Variants in SVEP1 observed in about 807,000 individuals in gnomAD.
SVEP1 encodes the protein sushi, von Willebrand factor type A, EGF and pentraxin domain containing 1.
Under a neutral mutation model 367.3 loss-of-function variants are expected in SVEP1, and 164 were observed. That is an observed-to-expected ratio of 0.45 (90% CI 0.39 to 0.51). The LOEUF is 0.51. SVEP1 is among the 20% of genes least tolerant of loss of function. The pLI is 0.00. For missense variants in SVEP1, 4,117 were observed against 4,425.3 expected (o/e 0.93, Z 1.98); for synonymous variants, 1,666 against 1,611.6 (o/e 1.03, Z -0.81).
intron 5 of SVEP1, among the ~76,000 whole-genome samples, 190 bp from the exon 6 acceptor site, chr9:110,503,407 A>C (rs1221255040): frequency 6.6e-6 from 1 of 152,200 alleles, no homozygotes; most frequent in Non-Finnish European, 1.5e-5. Flanking sequence ...TACCAAATGC[A>C]TTGCCTAAAT....
Position 110,450,187 on chromosome 9 carries a change from C to A in SVEP1, c.3975G>T (p.Gln1325His). ...PCLNNAVCED[Q>H]VGGFLCKCPP... Reference sequence around the variant, plus strand: ...GGCATTTGCACAAGAATCCCCCAACCTGGTCTTCACAGACTGCATTATTTA... The same window carrying A: ...GGCATTTGCACAAGAATCCCCCAACATGGTCTTCACAGACTGCATTATTTA... The change falls in exon 24 of 48, where the codon CAG becomes CAT. Residue 1325 changes from glutamine to histidine, a missense_variant. By Grantham distance (24) the Gln-to-His change is conservative (BLOSUM62 0). This residue lies in a region of SVEP1 where 2,174 missense variants were observed against 2,494.3 expected (regional missense o/e 0.87). Coordinates refer to ENST00000374469, the MANE Select transcript of SVEP1 (RefSeq NM_153366.4). 1.9e-6 allele frequency: 3 copies of A among 1,613,898 alleles called. No homozygotes were observed. Among genetic ancestry groups the A allele is most frequent in the African/African-American group, 1.3e-5 (1 of 75,018 alleles).
In SVEP1 at chr9:110,407,892, C is replaced by T. The variant is rs746376974; in HGVS notation, c.7708G>A (p.Ala2570Thr). 2 of 1,614,002 alleles carry T rather than the reference C, an allele frequency of 1.2e-6. No individual in the cohort carries two copies. Among genetic ancestry groups the T allele is most frequent in the East Asian group, 2.2e-5 (1 of 44,880 alleles). The change falls in exon 38 of 48, where the codon GCA (alanine) becomes ACA (threonine). Residue 2570 changes from alanine (A) to threonine (T), a missense_variant. This residue lies in a region of SVEP1 where 1,765 missense variants were observed against 1,781.1 expected (regional missense o/e 0.99). Coordinates refer to ENST00000374469, the MANE Select transcript of SVEP1 (RefSeq NM_153366.4). ...QPIENGFVEGADYSYGAIIIY... is the reference protein window; with the variant it reads ...QPIENGFVEGTDYSYGAIIIY... ...ATTATGGCACCATAGCTGTAATCTG[C>T]ACCTTCTACAAAACCATTTTCAATG...
intron 26 of SVEP1, among the ~76,000 whole-genome samples, chr9:110,444,085 C>T (rs1013341757): frequency 2.6e-5 from 4 of 152,184 alleles, no homozygotes; most frequent in Non-Finnish European, 5.9e-5. Flanking sequence ...AAACTGACAT[C>T]CTTCTTCCAG....
rs377208503 is a variant in SVEP1 at position 110,429,174 on chromosome 9, T to C, written c.5776A>G (p.Thr1926Ala). ...CCTGTATCGCATGAATATGATGCAGTAGAAAGGTAGGTAAGCCCACTCAAA... is the reference window on the plus strand; with the variant it reads ...CCTGTATCGCATGAATATGATGCAGCAGAAAGGTAGGTAAGCCCACTCAAA... ...YILSGLTYLS[T>A]ASYSCDTGYS... The change falls in exon 35 of 48, where the codon ACT becomes GCT. Residue 1926 changes from threonine to alanine, a missense_variant. Thr to Ala is a moderately conservative substitution (Grantham distance 58, BLOSUM62 0). Transcript: ENST00000374469. 1 of 1,598,380 alleles carries C rather than the reference T, an allele frequency of 6.3e-7. No individual in the cohort carries two copies.
rs913226568 is a variant in SVEP1 at position 110,385,965 on chromosome 9, C to A, written c.10170G>T (p.Leu3390=). 1 of 1,613,920 alleles carries A rather than the reference C, an allele frequency of 6.2e-7. No homozygotes were observed. ...TGCAGGTAATGATGCCGTGGCCCTG[C>A]AGCAGAAAACCTTCCCTACATTTGA... ...VSIKCREGFL[L]QGHGIITCNP... The change falls in exon 43 of 48, where the codon CTG becomes CTT. Residue 3390 remains leucine, a synonymous_variant. Coordinates refer to ENST00000374469, the MANE Select transcript of SVEP1 (RefSeq NM_153366.4).
chr9:110,448,149 GCGCGTGTGTGTGTGCGCGCGCT>G (rs1828633925), intron 24 of SVEP1, among the ~76,000 whole-genome samples: 1 of 53,160 alleles, frequency 1.9e-5, no homozygotes, highest in African/African-American at 8.6e-5. Flanking sequence ...GTGTGTGTGT[GCGCGTGTGTGTGTGCGCGCGCT>G]CGCGCGTGTG....
chr9:110,373,366 G>A (rs974780633), intron 46 of SVEP1, among the ~76,000 whole-genome samples: 9 of 152,092 alleles, frequency 5.9e-5, no homozygotes, highest in Non-Finnish European at 1.0e-4. Context: ...GCTTTTGTCT[G>A]TAACAGTACT....
intron 25 of SVEP1, 73 bp downstream of exon 25, chr9:110,446,827 G>A: frequency 7.4e-7 from 1 of 1,354,880 alleles, no homozygotes; most frequent in Non-Finnish European, 9.6e-7. Context: ...GCTTGGTGCA[G>A]GCAAAATTGG....
At chr9:110,545,982 G>A in intron 3 of SVEP1, 133 bp downstream of exon 3, 1 of 1,120,170 alleles carries the variant, frequency 8.9e-7, no homozygotes, top group Non-Finnish European at 1.3e-6. Context: ...CACAGCTGAA[G>A]CCCCAAAGAG....
chr9:110,513,045 T>C lies in SVEP1; in HGVS notation c.1184A>G (p.Asn395Ser), dbSNP rs1010227967. The C allele has an allele frequency of 1.2e-5, 19 of 1,613,898 alleles. No homozygotes were observed. Among genetic ancestry groups the C allele is most frequent in the Admixed American group, 1.7e-5 (1 of 60,012 alleles). ...ENGYFIQNTC[N>S]NHFNAACGVR... ...CCCACAGGCTGCATTGAAGTGGTTG[T>C]TGCAAGTGTTTTGGATAAAGTAACC... The change falls in exon 5 of 48, where the codon AAC becomes AGC. Residue 395 changes from asparagine to serine, a missense_variant. Coordinates refer to ENST00000374469, the MANE Select transcript of SVEP1 (RefSeq NM_153366.4).
In SVEP1 at chr9:110,579,439, G is replaced by A. The variant is rs1830667097; in HGVS notation, c.105C>T (p.Phe35=). 5 of 1,593,724 alleles carry A rather than the reference G, an allele frequency of 3.1e-6. No homozygotes were observed. Among genetic ancestry groups the A allele is most frequent in the Non-Finnish European group, 4.3e-6 (5 of 1,171,234 alleles). Reference sequence around the variant, plus strand: ...CGGGGGCCCCGGGCGCGGTCTCGGGGAAGAGGCGGAAGCTGAAATTGCGCG... The same window carrying A: ...CGGGGGCCCCGGGCGCGGTCTCGGGAAAGAGGCGGAAGCTGAAATTGCGCG... The part of the protein sequence containing the change: ...SPSRNFSFRL[F]PETAPGAPGS... The change falls in exon 1 of 48, where the codon TTC becomes TTT. Residue 35 remains phenylalanine (F), a synonymous_variant. Coordinates refer to ENST00000374469, the MANE Select transcript of SVEP1 (RefSeq NM_153366.4). The surrounding 1 kb of genome is among the most constrained non-coding windows in gnomAD (Gnocchi z 5.3).
intron 14 of SVEP1, among the ~76,000 whole-genome samples, chr9:110,475,008 T>C (rs1253100426): frequency 1.3e-5 from 2 of 150,806 alleles, no homozygotes; most frequent in Non-Finnish European, 3.0e-5. Context: ...GTATATATAG[T>C]ATGGTATATA....
intron 37 of SVEP1, among the ~76,000 whole-genome samples, chr9:110,410,648 C>T (rs1318271952): frequency 1.3e-5 from 2 of 152,234 alleles, no homozygotes; most frequent in Non-Finnish European, 1.5e-5. Context: ...AAGTTATATA[C>T]TAAAGATTCA....
intron 40 of SVEP1, among the ~76,000 whole-genome samples, chr9:110,394,174 T>C: frequency 6.6e-6 from 1 of 151,788 alleles, no homozygotes; most frequent in East Asian, 1.9e-4. Context: ...AGAGGAATGA[T>C]CAGGCAGCAG....
intron 3 of SVEP1, among the ~76,000 whole-genome samples, chr9:110,544,848 ATGG>A (rs1830198348): frequency 2.7e-5 from 4 of 148,750 alleles, no homozygotes; most frequent in Admixed American, 1.3e-4. Flanking sequence ...CTACAGTGTT[ATGG>A]AACATTAAAA....
At chr9:110,468,045 C>A (rs1250987536) in intron 17 of SVEP1, among the ~76,000 whole-genome samples, 1 of 150,196 alleles carries the variant, frequency 6.7e-6, no homozygotes, top group Non-Finnish European at 1.5e-5. Context: ...GAAGCAGATG[C>A]TGCTATGCTT....
intron 18 of SVEP1, among the ~76,000 whole-genome samples, chr9:110,461,921 T>C (rs1828864208): frequency 6.6e-6 from 1 of 152,190 alleles, no homozygotes; most frequent in African/African-American, 2.4e-5. Flanking sequence ...GCACAAACTG[T>C]AAACTTGCTT....
In SVEP1 at chr9:110,434,338, TCA is replaced by T. The variant is rs1278154988; in HGVS notation, c.5055_5056del (p.Cys1685Ter). 1 of 1,595,798 alleles carries T rather than the reference TCA, an allele frequency of 6.3e-7. No homozygotes were observed. Among genetic ancestry groups the T allele is most frequent in the Non-Finnish European group, 8.6e-7 (1 of 1,166,738 alleles). On this transcript the variant is annotated stop_gained and frameshift_variant, in exon 30 of 48. Transcript: ENST00000374469. LOFTEE classifies it high-confidence loss of function. ...TGGCTTCAAGAAAGGCAGCTCACGT[TCA>T]CAGTGAGGAAGTGGTTGTGTCCACT...
Position 110,472,091 on chromosome 9 carries a change from T to G in SVEP1, c.2764+68A>C. The G allele has an allele frequency of 2.1e-6, 3 of 1,445,748 alleles. No homozygotes were observed. In the African/African-American group the frequency reaches 4.3e-5, roughly 21 times the overall value. 89.6% of individuals were successfully genotyped at this position (1,445,748 alleles called of 1,614,324 possible). The stretch of plus-strand genomic sequence containing the variant: ...TAATAATGATAACAAATGGAAGATT[T>G]GAGAAGCAGGTTTCCAACCAAGAAT... On this transcript the variant is annotated intron_variant, in intron 15 of 47. Transcript: ENST00000374469.
Sources: allele counts gnomAD v4.1 joint callset (sites outside exome capture counted in the v4.1 genomes callset), GRCh38; gene constraint gnomAD v4.1.1; regional missense constraint gnomAD v4.1.1; non-coding constraint Gnocchi (gnomAD v3.1); transcripts MANE v1.5; gene names NCBI Gene and HGNC (gene_info 2026-07-23, HGNC 2026-07-21).